ME2: variants seen among roughly 807,000 people sequenced by gnomAD.
The protein encoded by ME2 is NAD-dependent malic enzyme, mitochondrial.
ME2 carries 60 observed loss-of-function variants against 73.7 expected under a neutral mutation model. The ratio of observed to expected loss-of-function variants is 0.81; its 90% CI spans 0.66 to 1.01. ME2 has a LOEUF of 1.01. ME2 is among the 50% of genes least tolerant of loss of function. ME2 has a pLI of 0.00. For synonymous variants in ME2, 199 were observed against 236.9 expected (o/e 0.84, Z 1.47); for missense variants, 594 against 705.5 (o/e 0.84, Z 1.79).
chr18:50,880,361 C>G (rs890236602), intron 1 of ME2, among the ~76,000 whole-genome samples: 1 of 152,194 alleles, frequency 6.6e-6, no homozygotes. Flanking sequence ...CCTCCACCCC[C>G]ACTCCCTTAA....
chr18:50,893,151 A>AAAAAAAAAAAAAAAAAAAAAAC (rs1916649164), intron 1 of ME2, among the ~76,000 whole-genome samples: 3 of 143,282 alleles, frequency 2.1e-5, no homozygotes, highest in Non-Finnish European at 4.6e-5. Context: ...AAAAAAAAAA[A>AAAAAAAAAAAAAAAAAAAAAAC]ACACCTTTAA....
rs1918183980 is a variant in ME2 at position 50,949,902 on chromosome 18, G to C, written c.*2718G>C. The C allele has an allele frequency of 6.6e-6, 1 of 152,176 alleles. No homozygotes were observed. The allele number at this position is 152,176 out of a possible 1,614,324, so 9.4% of individuals were successfully genotyped here. ...AATATTTAAGCTAAGAATACAGGAA[G>C]GACTATGAGCATTGAGGAAATCGGG... On this transcript the variant is annotated 3_prime_UTR_variant, in exon 16 of 16. Transcript: ENST00000321341.
rs1161046517 is a variant in ME2, at chr18:50,950,021, C to T, written c.*2837C>T. 1 of 152,142 alleles carries T rather than the reference C, an allele frequency of 6.6e-6. No homozygotes were observed. Among genetic ancestry groups the T allele is most frequent in the Non-Finnish European group, 1.5e-5 (1 of 68,018 alleles). 9.4% of individuals were successfully genotyped at this position (152,142 alleles called of 1,614,324 possible). ...AGAAGGTAATTATTTTGAATAACAG[C>T]AATAGAGAATCTTTTATTTTGAATT... On this transcript the variant is annotated 3_prime_UTR_variant, in exon 16 of 16. Transcript: ENST00000321341.
intron 15 of ME2, among the ~76,000 whole-genome samples, chr18:50,940,960 T>G (rs1192781882): frequency 1.3e-5 from 2 of 152,098 alleles, no homozygotes; most frequent in African/African-American, 4.8e-5. Flanking sequence ...TTCTTATTGT[T>G]AGAAATAACA....
chr18:50,891,882 C>T (rs1248204428), intron 1 of ME2, among the ~76,000 whole-genome samples: 4 of 150,956 alleles, frequency 2.6e-5, no homozygotes, highest in Non-Finnish European at 4.4e-5. Flanking sequence ...GGCACAGTCT[C>T]GGCTCACTGC....
intron 11 of ME2, among the ~76,000 whole-genome samples, chr18:50,924,835 C>G (rs1386823605): frequency 6.6e-6 from 1 of 151,890 alleles, no homozygotes; most frequent in Non-Finnish European, 1.5e-5. Context: ...GTACCCGCCA[C>G]CACGCCCAGC....
chr18:50,888,215 C>G (rs1279781919), intron 1 of ME2, among the ~76,000 whole-genome samples: 1 of 152,066 alleles, frequency 6.6e-6, no homozygotes, highest in Non-Finnish European at 1.5e-5. Context: ...CATGATGGCA[C>G]ATGCCTGTCA....
At chr18:50,885,845 A>G (rs1916448997) in intron 1 of ME2, among the ~76,000 whole-genome samples, 1 of 152,176 alleles carries the variant, frequency 6.6e-6, no homozygotes, top group Non-Finnish European at 1.5e-5. Flanking sequence ...TGGAGCTTTT[A>G]TGCAAGATAA....
chr18:50,903,846 G>T (rs565426208), intron 2 of ME2, among the ~76,000 whole-genome samples: 1 of 152,308 alleles, frequency 6.6e-6, no homozygotes, highest in East Asian at 1.9e-4. Flanking sequence ...ACGCAAGAGT[G>T]ACAGTTTTGG....
chr18:50,926,766 C>A (rs898205867), intron 12 of ME2, among the ~76,000 whole-genome samples: 2 of 152,150 alleles, frequency 1.3e-5, no homozygotes, highest in Admixed American at 1.3e-4. Flanking sequence ...CTCTGTTCAG[C>A]TGTGCTCATC....
chr18:50,939,523 A>G, intron 13 of ME2, 47 bp from the exon 14 acceptor site: 2 of 1,329,558 alleles, frequency 1.5e-6, no homozygotes, highest in Non-Finnish European at 2.2e-6. Flanking sequence ...TACTTCTTTC[A>G]TAATTTGAAA....
In ME2 at chr18:50,951,086, A is replaced by G. The variant is rs551815862; in HGVS notation, c.*3902A>G. On this transcript the variant is annotated 3_prime_UTR_variant, in exon 16 of 16. Coordinates refer to ENST00000321341, the MANE Select transcript of ME2 (RefSeq NM_002396.5). ...AGAGTACTCTTTAATTCTAAATTAT[A>G]GATTTGTAGCATACTTAGTAAACTT... The G allele has an allele frequency of 1.3e-5, 2 of 152,356 alleles. No individual in the cohort carries two copies. The highest frequency in any genetic ancestry group is 3.9e-4 in the East Asian group (2 of 5,192). 9.4% of individuals were successfully genotyped at this position (152,356 alleles called of 1,614,324 possible).
chr18:50,914,184 TTG>T (rs1917231776), intron 4 of ME2, among the ~76,000 whole-genome samples: 3 of 152,220 alleles, frequency 2.0e-5, no homozygotes, highest in Admixed American at 2.0e-4. Flanking sequence ...CCCTCAGTGA[TTG>T]TGTTGCAGGT....
chr18:50,944,660 G>C (rs1918041256), intron 15 of ME2, among the ~76,000 whole-genome samples: 1 of 152,122 alleles, frequency 6.6e-6, no homozygotes, highest in South Asian at 2.1e-4. Context: ...TATGTCTAAA[G>C]CTTGCAGTTG....
chr18:50,899,365 C>T (rs1916831733), intron 2 of ME2, among the ~76,000 whole-genome samples: 1 of 152,186 alleles, frequency 6.6e-6, no homozygotes, highest in Non-Finnish European at 1.5e-5. Context: ...GTAGTCCCAG[C>T]ACTTTGGGAG....
intron 4 of ME2, among the ~76,000 whole-genome samples, chr18:50,913,824 A>C (rs991165961): frequency 6.8e-6 from 1 of 147,450 alleles, no homozygotes; most frequent in South Asian, 2.2e-4. Flanking sequence ...GGAGAAACCA[A>C]TGTGACAGTT....
At chr18:50,936,296 T>C (rs1291560429) in intron 13 of ME2, among the ~76,000 whole-genome samples, 1 of 151,878 alleles carries the variant, frequency 6.6e-6, no homozygotes, top group Non-Finnish European at 1.5e-5. Context: ...TAAAGCAAAA[T>C]GAAGACATTT....
At chr18:50,912,665 T>G in intron 3 of ME2, 136 bp from the exon 4 acceptor site, 1 of 671,782 alleles carries the variant, frequency 1.5e-6, no homozygotes, top group Non-Finnish European at 2.3e-6. Context: ...AATCTAAGGT[T>G]TTGGGTTTTT....
chr18:50,912,990 A>G (rs764796486), intron 4 of ME2, 40 bp downstream of exon 4: 1 of 1,504,482 alleles, frequency 6.6e-7, no homozygotes, highest in Non-Finnish European at 9.0e-7. Flanking sequence ...ATGATTATTG[A>G]ATAAGGAAAA....
Sources: gnomAD v4.1 joint callset for allele counts (sites outside exome capture counted in the v4.1 genomes callset) on GRCh38, gnomAD v4.1.1 for gene constraint, MANE v1.5 for transcripts, NCBI Gene and HGNC (gene_info 2026-07-23, HGNC 2026-07-21) for gene names.